Variants in NDFIP1 observed in about 807,000 individuals in gnomAD.
NDFIP1 encodes NEDD4 family-interacting protein 1.
In NDFIP1, 7 loss-of-function variants were observed where a neutral mutation model predicts 28.8. That is an observed-to-expected ratio of 0.24 (90% CI 0.14 to 0.46). The LOEUF (loss-of-function observed/expected upper bound fraction) is 0.46. Ranked by LOEUF, NDFIP1 falls within the 20% of genes least tolerant of loss-of-function variation. The pLI, the probability that NDFIP1 is intolerant of heterozygous loss-of-function variation, is 0.99. For synonymous variants in NDFIP1, 92 were observed against 101.0 expected, an observed-to-expected ratio of 0.91 and a Z score of 0.53; for missense variants, 194 against 269.1, an observed-to-expected ratio of 0.72 and a Z score of 1.95.
chr5:142,133,046 C>G (rs922802959), intron 3 of NDFIP1, among the ~76,000 whole-genome samples: 1 of 152,244 alleles, frequency 6.6e-6, no homozygotes, highest in East Asian at 1.9e-4. Context: ...AGGCTCTATT[C>G]TAGCAAGTAA....
At chr5:142,129,984 C>T (rs114231042) in intron 1 of NDFIP1, among the ~76,000 whole-genome samples, 3 of 151,624 alleles carry the variant, frequency 2.0e-5, no homozygotes, top group Non-Finnish European at 2.9e-5. Flanking sequence ...TAGTACACCT[C>T]GGTCTCTCTG....
rs529381161 is a variant in NDFIP1, at chr5:142,112,794, A to G, written c.63+3757A>G. Among the ~76,000 whole-genome samples, 8 of 152,052 alleles carry G rather than the reference A, an allele frequency of 5.3e-5. No homozygotes were observed. In the East Asian group the frequency reaches 1.5e-3, roughly 29 times the overall value. Reference sequence around the variant, plus strand: ...AAGTGAGACTCTGTCCAAAAAAAAAAAAAAGAGGCTAGGCTTATAGGTTCC... The same window carrying G: ...AAGTGAGACTCTGTCCAAAAAAAAAGAAAAGAGGCTAGGCTTATAGGTTCC... On this transcript the variant is annotated intron_variant, in intron 1 of 7. Transcript: ENST00000253814.
intron 1 of NDFIP1, among the ~76,000 whole-genome samples, chr5:142,117,852 A>G (rs1480901312): frequency 6.7e-6 from 1 of 150,184 alleles, no homozygotes; most frequent in Non-Finnish European, 1.5e-5. Flanking sequence ...CTTGGCTTTA[A>G]ATGTTTTTTA....
rs573070835 is a variant in NDFIP1, at chr5:142,138,983, C to T, written c.495+1125C>T. Among the ~76,000 whole-genome samples the T allele has an allele frequency of 1.1e-4, 17 of 150,822 alleles. 1 individual carries two copies. The highest frequency in any genetic ancestry group is 3.4e-4 in the African/African-American group (14 of 41,118). ...CTGTAATCCCAGCACTTTGGGAGGC[C>T]GAGGCGGACAGATCACGAAGTCAGG... is the stretch of plus-strand genomic sequence containing the variant. On this transcript the variant is annotated intron_variant, in intron 5 of 7. Coordinates refer to ENST00000253814, the MANE Select transcript of NDFIP1 (RefSeq NM_030571.4).
rs1244557337 is a variant in NDFIP1 at position 142,154,155 on chromosome 5, G to C, written c.*2427G>C. On this transcript the variant is annotated 3_prime_UTR_variant, in exon 8 of 8. Transcript: ENST00000253814. ...CTTTGATACGTTAATACTGATAATG[G>C]ATAAAGAGTGAGTTTTTATAATAAA... 6.6e-6 allele frequency: 1 copy of C among 152,220 alleles called. No homozygotes were observed. Among genetic ancestry groups the C allele is most frequent in the Non-Finnish European group, 1.5e-5 (1 of 68,018 alleles). The allele number at this position is 152,220 out of a possible 1,614,324, so 9.4% of individuals were successfully genotyped here. A position where few individuals can be genotyped will look rare whatever the true frequency, so the allele number is the denominator to read the frequency against.
Position 142,153,506 on chromosome 5 carries a change from C to T in NDFIP1, c.*1778C>T. 2.3e-6 allele frequency: 1 copy of T among 439,160 alleles called. No individual in the cohort carries two copies. Among genetic ancestry groups the T allele is most frequent in the South Asian group, 1.6e-5 (1 of 61,774 alleles). The allele number at this position is 439,160 out of a possible 1,614,324, so 27.2% of individuals were successfully genotyped here. On this transcript the variant is annotated 3_prime_UTR_variant, in exon 8 of 8. Coordinates refer to ENST00000253814, the MANE Select transcript of NDFIP1 (RefSeq NM_030571.4). ...CTGGATTGACATTTCAATGATCCCT[C>T]TAACCAGTTTATGGATTATTATGAA...
chr5:142,147,726 T>C (rs562644153), intron 7 of NDFIP1, among the ~76,000 whole-genome samples: 1 of 152,322 alleles, frequency 6.6e-6, no homozygotes, highest in South Asian at 2.1e-4. Flanking sequence ...TCATGTACAG[T>C]GATTCTTCTA....
Position 142,121,037 on chromosome 5 carries a change from A to G in NDFIP1, c.64-10771A>G, listed in dbSNP as rs1216572330. Among the ~76,000 whole-genome samples, 3 of 152,208 alleles carry G rather than the reference A, an allele frequency of 2.0e-5. No homozygotes were observed. In the South Asian group the frequency reaches 6.2e-4, roughly 32 times the overall value. ...CAGAGCTGAGCAGGCTGCAGTCAAC[A>G]TGCAAGCCTGGGTTCTAGGCATGGC... On this transcript the variant is annotated intron_variant, in intron 1 of 7. Coordinates refer to ENST00000253814, the MANE Select transcript of NDFIP1 (RefSeq NM_030571.4).
At chr5:142,123,072 C>T (rs995499647) in intron 1 of NDFIP1, among the ~76,000 whole-genome samples, 14 of 152,062 alleles carry the variant, frequency 9.2e-5, no homozygotes, top group Admixed American at 2.0e-4. Flanking sequence ...CAGTGATTCT[C>T]GTGCCTCAGC....
intron 1 of NDFIP1, among the ~76,000 whole-genome samples, chr5:142,110,017 A>C (rs756289757): frequency 1.3e-5 from 2 of 152,222 alleles, no homozygotes; most frequent in Non-Finnish European, 2.9e-5. Flanking sequence ...ATCAAATAAA[A>C]TGTCCTATCT....
chr5:142,124,716 A>C (rs757033547), intron 1 of NDFIP1, among the ~76,000 whole-genome samples: 2 of 152,092 alleles, frequency 1.3e-5, no homozygotes, highest in African/African-American at 4.8e-5. Flanking sequence ...TTTGCTATTG[A>C]GAGGATTTTC....
At chr5:142,150,008 C>A (rs991078736) in intron 7 of NDFIP1, among the ~76,000 whole-genome samples, 1 of 151,990 alleles carries the variant, frequency 6.6e-6, no homozygotes, top group Non-Finnish European at 1.5e-5. Context: ...AGTGAAACCC[C>A]GTCTCTACTA....
At chr5:142,125,482 C>T (rs1045480612) in intron 1 of NDFIP1, among the ~76,000 whole-genome samples, 5 of 152,114 alleles carry the variant, frequency 3.3e-5, no homozygotes, top group Admixed American at 2.6e-4. Flanking sequence ...CCTGTCTCAG[C>T]GTCTTGAGTA....
At chr5:142,119,460 G>C (rs1250071864) in intron 1 of NDFIP1, among the ~76,000 whole-genome samples, 1 of 152,210 alleles carries the variant, frequency 6.6e-6, no homozygotes, top group African/African-American at 2.4e-5. Flanking sequence ...GAGTGAGGTT[G>C]TTTCAAACAT....
chr5:142,150,585 C>A (rs184662211), intron 7 of NDFIP1, among the ~76,000 whole-genome samples: 85 of 152,004 alleles, frequency 5.6e-4, no homozygotes, highest in African/African-American at 2.0e-3. Flanking sequence ...AGACACCGGG[C>A]ATAGTGGTGC....
chr5:142,123,947 G>A (rs1326186212), intron 1 of NDFIP1, among the ~76,000 whole-genome samples: 2 of 151,392 alleles, frequency 1.3e-5, no homozygotes, highest in African/African-American at 4.9e-5. Flanking sequence ...TAGTGTAGAT[G>A]CTACTTCTTA....
At chr5:142,116,653 G>A (rs1757072018) in intron 1 of NDFIP1, among the ~76,000 whole-genome samples, 1 of 151,924 alleles carries the variant, frequency 6.6e-6, no homozygotes, top group South Asian at 2.1e-4. Flanking sequence ...GAGCCACCAT[G>A]CCCAGGCTAC....
Position 142,135,834 on chromosome 5 carries a change from A to G in NDFIP1, c.370+17A>G. 6.4e-7 allele frequency: 1 copy of G among 1,572,646 alleles called. No individual in the cohort carries two copies. The highest frequency in any genetic ancestry group is 8.8e-7 in the Non-Finnish European group (1 of 1,142,754). On this transcript the variant is annotated intron_variant, in intron 4 of 7. Coordinates refer to ENST00000253814, the MANE Select transcript of NDFIP1 (RefSeq NM_030571.4). ...CTTTTTTCAGTAAGTATGTATGCATATCAGAACCACCCCCTACAAACTAGA... is the reference window on the plus strand; with the variant it reads ...CTTTTTTCAGTAAGTATGTATGCATGTCAGAACCACCCCCTACAAACTAGA...
At chr5:142,137,492 G>A (rs530969517) in intron 4 of NDFIP1, among the ~76,000 whole-genome samples, 11 of 152,266 alleles carry the variant, frequency 7.2e-5, no homozygotes, top group South Asian at 4.1e-4. Context: ...CTATTAAGGC[G>A]TTTTTGAAAG....
Sources: gnomAD v4.1 joint callset for allele counts (sites outside exome capture counted in the v4.1 genomes callset) on GRCh38, gnomAD v4.1.1 for gene constraint, MANE v1.5 for transcripts, NCBI Gene and HGNC (gene_info 2026-07-23, HGNC 2026-07-21) for gene names.